ADGRL3: variants seen among roughly 807,000 people sequenced by gnomAD.
ADGRL3 encodes calcium-independent alpha-latrotoxin receptor 3.
ADGRL3 carries 62 observed loss-of-function variants against 153.5 expected under a neutral mutation model. That is an observed-to-expected ratio of 0.40 (90% CI 0.33 to 0.50). ADGRL3 has a LOEUF of 0.50. ADGRL3 is among the 20% of genes least tolerant of loss of function. The pLI is 0.47. For missense variants in ADGRL3, 1,641 were observed against 1,859.4 expected (o/e 0.88, Z 2.16); for synonymous variants, 710 against 672.5 (o/e 1.06, Z -0.86).
At chr4:61,878,445 T>C (rs2149459686) in intron 9 of ADGRL3, among the ~76,000 whole-genome samples, 1 of 152,332 alleles carries the variant, frequency 6.6e-6, no homozygotes, top group East Asian at 1.9e-4. Context: ...ATAAAAGTCA[T>C]TGTCATTGAG....
intron 17 of ADGRL3, among the ~76,000 whole-genome samples, chr4:61,957,804 A>C (rs1000388783): frequency 2.0e-5 from 3 of 152,028 alleles, no homozygotes; most frequent in Non-Finnish European, 4.4e-5. Context: ...AATTTGAAAA[A>C]TGTTGAACCT....
intron 8 of ADGRL3, among the ~76,000 whole-genome samples, chr4:61,769,994 C>G (rs1010863828): frequency 6.6e-6 from 1 of 152,230 alleles, no homozygotes; most frequent in East Asian, 1.9e-4. Flanking sequence ...ACAGGGGATA[C>G]GATGGCTTGG....
chr4:61,538,286 G>A (rs928681553), intron 4 of ADGRL3, among the ~76,000 whole-genome samples: 3 of 152,004 alleles, frequency 2.0e-5, no homozygotes, highest in Admixed American at 6.6e-5. Flanking sequence ...TCTACGTAGT[G>A]GCTTTTTCAA....
intron 9 of ADGRL3, among the ~76,000 whole-genome samples, chr4:61,849,616 C>T (rs899733790): frequency 1.1e-4 from 16 of 152,008 alleles, no homozygotes; most frequent in African/African-American, 3.4e-4. Flanking sequence ...GACTGTAATC[C>T]ATTTTACATA....
intron 2 of ADGRL3, among the ~76,000 whole-genome samples, chr4:61,403,470 G>C (rs994915027): frequency 3.9e-5 from 6 of 152,176 alleles, no homozygotes; most frequent in Middle Eastern, 6.8e-3. Context: ...TTGGTATGCA[G>C]TGGAGGTGCT....
intron 2 of ADGRL3, among the ~76,000 whole-genome samples, chr4:61,467,003 A>G (rs2097892527): frequency 6.6e-6 from 1 of 152,126 alleles, no homozygotes; most frequent in Non-Finnish European, 1.5e-5. Flanking sequence ...TAGCTATTAA[A>G]AGTAACTATG....
intron 8 of ADGRL3, among the ~76,000 whole-genome samples, chr4:61,797,004 C>A (rs2097423178): frequency 6.6e-6 from 1 of 152,162 alleles, no homozygotes; most frequent in Non-Finnish European, 1.5e-5. Flanking sequence ...ACAGCCTTCC[C>A]TTTCTTTCCT....
chr4:61,528,758 A>C (rs1168399404), intron 4 of ADGRL3, among the ~76,000 whole-genome samples: 1 of 152,124 alleles, frequency 6.6e-6, no homozygotes, highest in African/African-American at 2.4e-5. Context: ...ATTTTGTTTT[A>C]TGCCATGCTG....
At chr4:61,817,152 C>T (rs1258069949) in intron 9 of ADGRL3, among the ~76,000 whole-genome samples, 1 of 145,516 alleles carries the variant, frequency 6.9e-6, no homozygotes, top group Admixed American at 6.8e-5. Flanking sequence ...TCTGCAGACC[C>T]CCCCCCCCCC....
At position 61,743,211 on chromosome 4, in the gene ADGRL3, T is replaced by A. The variant is rs550938541; in HGVS notation, c.1399+9657T>A. ...GGTGGGTGCCTGTAGTCCTAGCTAC[T>A]CAGGAAGCTGTGGCAGGAGAATGGT... is the stretch of plus-strand genomic sequence containing the variant. On this transcript the variant is annotated intron_variant, in intron 8 of 26. Coordinates refer to ENST00000683033, the MANE Select transcript of ADGRL3 (RefSeq NM_001387552.1). Among the ~76,000 whole-genome samples the A allele has an allele frequency of 4.9e-3, 741 of 150,426 alleles. 6 individuals carry two copies. The highest frequency in any genetic ancestry group is 0.017 in the African/African-American group (708 of 40,988).
At chr4:61,817,830 G>A (rs906607815) in intron 9 of ADGRL3, among the ~76,000 whole-genome samples, 2 of 152,154 alleles carry the variant, frequency 1.3e-5, no homozygotes, top group Non-Finnish European at 2.9e-5. Flanking sequence ...CAGATCTCAT[G>A]AGACTTATTC....
chr4:61,653,953 A>G (rs1040198879), intron 5 of ADGRL3, among the ~76,000 whole-genome samples: 2 of 152,208 alleles, frequency 1.3e-5, no homozygotes, highest in Admixed American at 1.3e-4. Context: ...GCTACATTCA[A>G]TTAGCCTAAA....
chr4:61,582,867 T>C (rs1185022872), intron 4 of ADGRL3, among the ~76,000 whole-genome samples: 2 of 152,038 alleles, frequency 1.3e-5, no homozygotes, highest in Non-Finnish European at 2.9e-5. Flanking sequence ...CAGTGACCAC[T>C]GATATTCCAA....
chr4:61,667,717 G>C (rs1171649896), intron 5 of ADGRL3, among the ~76,000 whole-genome samples: 1 of 152,126 alleles, frequency 6.6e-6, no homozygotes, highest in Admixed American at 6.6e-5. Context: ...AATATGCTTT[G>C]TATGCTGAGA....
intron 1 of ADGRL3, among the ~76,000 whole-genome samples, chr4:61,368,205 G>A (rs2096445692): frequency 6.6e-6 from 1 of 151,996 alleles, no homozygotes; most frequent in Non-Finnish European, 1.5e-5. Flanking sequence ...CACTCTGATG[G>A]TAGTTTCTTT....
At chr4:61,445,198 C>T (rs527903358) in intron 2 of ADGRL3, among the ~76,000 whole-genome samples, 9 of 152,182 alleles carry the variant, frequency 5.9e-5, no homozygotes, top group South Asian at 4.1e-4. Flanking sequence ...TCTTCATTTA[C>T]GAATGATGGC....
intron 1 of ADGRL3, among the ~76,000 whole-genome samples, chr4:61,294,884 TACACACACAC>T (rs3035669): frequency 9.5e-6 from 1 of 105,132 alleles, no homozygotes; most frequent in Non-Finnish European, 2.0e-5. Context: ...AATTAAATTT[TACACACACAC>T]ACACACACTC....
intron 2 of ADGRL3, among the ~76,000 whole-genome samples, chr4:61,457,062 T>G (rs1163626793): frequency 6.6e-6 from 1 of 152,050 alleles, no homozygotes; most frequent in Non-Finnish European, 1.5e-5. Context: ...TAATTTATCA[T>G]GAAGTACTAT....
chr4:61,594,937 T>C (rs889288748), intron 5 of ADGRL3, among the ~76,000 whole-genome samples: 1 of 152,126 alleles, frequency 6.6e-6, no homozygotes, highest in Non-Finnish European at 1.5e-5. Context: ...GAGGATCCTC[T>C]CTTGTGGCTC....
Sources: allele counts gnomAD v4.1 joint callset (sites outside exome capture counted in the v4.1 genomes callset), GRCh38; gene constraint gnomAD v4.1.1; transcripts MANE v1.5; gene names NCBI Gene and HGNC (gene_info 2026-07-23, HGNC 2026-07-21).